Variants in SNX6 observed in about 807,000 individuals in gnomAD.
The protein encoded by SNX6 is sorting nexin-6.
A neutral mutation model predicts 63.0 loss-of-function variants in SNX6; 34 were observed. The ratio of observed to expected loss-of-function variants is 0.54; its 90% CI spans 0.41 to 0.72. The LOEUF is 0.72. Among genes scored for constraint, SNX6 ranks in the 30% least tolerant of loss-of-function variants. SNX6 has a pLI of 0.00. For synonymous variants in SNX6, 170 were observed against 164.2 expected (o/e 1.04, Z -0.27); for missense variants, 398 against 471.4 (o/e 0.84, Z 1.44).
chr14:34,610,108 C>T (rs957214824), intron 2 of SNX6, among the ~76,000 whole-genome samples: 2 of 151,312 alleles, frequency 1.3e-5, no homozygotes, highest in African/African-American at 4.9e-5. Context: ...CTTTAGGAGG[C>T]TGAAGCGGGA....
At chr14:34,620,611 T>G (rs954549522) in intron 2 of SNX6, among the ~76,000 whole-genome samples, 7 of 152,056 alleles carry the variant, frequency 4.6e-5, no homozygotes, top group Non-Finnish European at 1.0e-4. Flanking sequence ...CTTAAAACTA[T>G]CTCAACCTTT....
chr14:34,569,022 G>T (rs1594692397), intron 11 of SNX6: 1 of 1,459,302 alleles, frequency 6.9e-7, no homozygotes, highest in Non-Finnish European at 9.6e-7. Flanking sequence ...GCAGCTTGAC[G>T]GTGTCCACCC....
intron 8 of SNX6, among the ~76,000 whole-genome samples, chr14:34,589,586 G>A (rs1882311015): frequency 6.6e-6 from 1 of 152,148 alleles, no homozygotes; most frequent in African/African-American, 2.4e-5. Context: ...AGCACTTTGG[G>A]AGGCTGAGGT....
chr14:34,621,951 CTTT>C (rs1037764907), intron 2 of SNX6, among the ~76,000 whole-genome samples: 3 of 77,416 alleles, frequency 3.9e-5, no homozygotes, highest in African/African-American at 1.2e-4. Flanking sequence ...CATGTCTTTC[CTTT>C]TTTTTTTTTT....
In SNX6 at chr14:34,612,469, GT is replaced by G. The variant is rs1185457135; in HGVS notation, c.55-2728del. On this transcript the variant is annotated intron_variant, in intron 2 of 13. Transcript: ENST00000362031. ...TTTTTTTGAGATGGAGTCTCACTTT[GT>G]CCCCTGAGGTTGGAGTGCAGTGGCC... Among the ~76,000 whole-genome samples, 6 of 147,510 alleles carry G rather than the reference GT, an allele frequency of 4.1e-5. No homozygotes were observed. In the East Asian group the frequency reaches 1.2e-3, roughly 30 times the overall value.
At chr14:34,610,067 G>C (rs1883165909) in intron 2 of SNX6, among the ~76,000 whole-genome samples, 1 of 151,920 alleles carries the variant, frequency 6.6e-6, no homozygotes, top group Non-Finnish European at 1.5e-5. Flanking sequence ...TTTTCAGCCA[G>C]ATGTGATGGC....
At chr14:34,597,251 C>T (rs2138330103) in intron 7 of SNX6, among the ~76,000 whole-genome samples, 1 of 152,258 alleles carries the variant, frequency 6.6e-6, no homozygotes, top group Middle Eastern at 3.4e-3. Flanking sequence ...AACTGCAAGG[C>T]TTGGGATTTG....
In SNX6 at chr14:34,577,232, G is replaced by A. The variant is rs561546816; in HGVS notation, c.835-1390C>T. Among the ~76,000 whole-genome samples the A allele has an allele frequency of 6.1e-4, 92 of 152,002 alleles. 1 individual carries two copies. The South Asian group carries it at 0.019, about 31-fold the overall frequency. ...CTAGTAGCTGGGATTACAGGTGCACGTCACCAAGCTTGGCTAATTTTTTTG... is the reference window on the plus strand; with the variant it reads ...CTAGTAGCTGGGATTACAGGTGCACATCACCAAGCTTGGCTAATTTTTTTG... On this transcript the variant is annotated intron_variant, in intron 10 of 13. Transcript: ENST00000362031.
At chr14:34,621,665 T>C (rs1594751346) in intron 2 of SNX6, among the ~76,000 whole-genome samples, 1 of 152,316 alleles carries the variant, frequency 6.6e-6, no homozygotes. Flanking sequence ...ACCTAACCTC[T>C]AACCCTGTTC....
chr14:34,603,566 C>T (rs957477702), intron 5 of SNX6, 95 bp from the exon 6 acceptor site: 64 of 1,024,894 alleles, frequency 6.2e-5, no homozygotes, highest in Non-Finnish European at 8.7e-5. Flanking sequence ...TGGATTATTC[C>T]GAATGCAAAT....
intron 11 of SNX6, among the ~76,000 whole-genome samples, chr14:34,571,501 A>G (rs1881452061): frequency 6.6e-6 from 1 of 152,208 alleles, no homozygotes; most frequent in Admixed American, 6.6e-5. Flanking sequence ...AAATGCAAGA[A>G]GCCCACCTGA....
intron 2 of SNX6, among the ~76,000 whole-genome samples, chr14:34,624,563 T>C (rs71419999): frequency 6.6e-6 from 1 of 151,704 alleles, no homozygotes; most frequent in African/African-American, 2.4e-5. Context: ...TTTGGGAGGC[T>C]GAGGAGGGTG....
At chr14:34,570,448 G>T (rs1881395358) in intron 11 of SNX6, among the ~76,000 whole-genome samples, 1 of 148,552 alleles carries the variant, frequency 6.7e-6, no homozygotes, top group Admixed American at 6.8e-5. Context: ...CTGAGACTGA[G>T]TCGTGCTCTG....
At chr14:34,599,377 G>A (rs1274462869) in intron 6 of SNX6, among the ~76,000 whole-genome samples, 1 of 152,092 alleles carries the variant, frequency 6.6e-6, no homozygotes, top group Non-Finnish European at 1.5e-5. Context: ...AGGCCAAGGC[G>A]GGTGAATCAC....
intron 6 of SNX6, among the ~76,000 whole-genome samples, chr14:34,601,375 G>A (rs1333930238): frequency 3.3e-5 from 5 of 149,302 alleles, no homozygotes; most frequent in Admixed American, 2.0e-4. Context: ...ACAGGCATGC[G>A]CCACCAAGCC....
At chr14:34,569,138 C>T in intron 11 of SNX6, 1 of 825,908 alleles carries the variant, frequency 1.2e-6, no homozygotes. Flanking sequence ...ATCATGCGGC[C>T]CGGCCTGTGC....
intron 2 of SNX6, among the ~76,000 whole-genome samples, chr14:34,611,788 T>C (rs1883240260): frequency 6.6e-6 from 1 of 151,806 alleles, no homozygotes; most frequent in Non-Finnish European, 1.5e-5. Context: ...TTCCCTTTTT[T>C]CTTTTTTGGA....
intron 10 of SNX6, 68 bp from the exon 11 acceptor site, chr14:34,575,910 T>G (rs1016780055): frequency 2.1e-6 from 2 of 966,778 alleles, no homozygotes; most frequent in Non-Finnish European, 3.1e-6. Context: ...TTTCCTTCTT[T>G]TTGTTGTTGT....
At chr14:34,595,045 T>C (rs1030360104) in intron 7 of SNX6, among the ~76,000 whole-genome samples, 6 of 152,080 alleles carry the variant, frequency 3.9e-5, no homozygotes, top group East Asian at 1.9e-4. Context: ...TGAGCCGAGA[T>C]TGGGGCACTG....
Sources: allele counts gnomAD v4.1 joint callset (sites outside exome capture counted in the v4.1 genomes callset), GRCh38; gene constraint gnomAD v4.1.1; transcripts MANE v1.5; gene names NCBI Gene and HGNC (gene_info 2026-07-23, HGNC 2026-07-21).